ALK: variants seen among roughly 807,000 people sequenced by gnomAD.
ALK encodes the protein ALK receptor tyrosine kinase.
In ALK, 74 loss-of-function variants were observed where a neutral mutation model predicts 163.1. That is an observed-to-expected ratio of 0.45 (90% confidence interval 0.38 to 0.55). The LOEUF (loss-of-function observed/expected upper bound fraction) is 0.55. Ranked by LOEUF, ALK falls within the 20% of genes least tolerant of loss-of-function variation. The pLI is 0.00. For synonymous variants in ALK, 960 were observed against 843.2 expected (o/e 1.14, Z -2.40); for missense variants, 2,063 against 2,105.3 (o/e 0.98, Z 0.39).
chr2:29,767,417 T>TA (rs1200819969), intron 1 of ALK, among the ~76,000 whole-genome samples: 1 of 152,160 alleles, frequency 6.6e-6, no homozygotes, highest in East Asian at 1.9e-4. Context: ...GTTGTGATTT[T>TA]AAAAATGAAA....
chr2:29,426,520 A>C (rs1670138253), intron 4 of ALK, among the ~76,000 whole-genome samples: 1 of 152,190 alleles, frequency 6.6e-6, no homozygotes, highest in Admixed American at 6.5e-5. Context: ...AAAGTGCTGA[A>C]AGAAAAACTC....
At chr2:29,797,010 A>C (rs1664333274) in intron 1 of ALK, among the ~76,000 whole-genome samples, 1 of 151,800 alleles carries the variant, frequency 6.6e-6, no homozygotes, top group Admixed American at 6.6e-5. Context: ...CCACACACAC[A>C]CACACACACA....
At chr2:29,288,975 T>G (rs201461730) in intron 9 of ALK, among the ~76,000 whole-genome samples, 2 of 109,016 alleles carry the variant, frequency 1.8e-5, no homozygotes, top group South Asian at 2.9e-4. Flanking sequence ...AATAAATAAA[T>G]AAATAAATAA....
chr2:29,320,922 A>G, intron 6 of ALK, 40 bp from the exon 7 acceptor site: 1 of 1,613,964 alleles, frequency 6.2e-7, no homozygotes, highest in South Asian at 1.1e-5. Flanking sequence ...TTTCAGGACC[A>G]CTAAAGGCAA....
intron 3 of ALK, among the ~76,000 whole-genome samples, chr2:29,678,349 TTTCA>T (rs1677951425): frequency 6.6e-6 from 1 of 151,876 alleles, no homozygotes; most frequent in Non-Finnish European, 1.5e-5. Context: ...CATCGCATGT[TTTCA>T]TTGATTTTTC....
At chr2:29,446,158 TAAAAC>T (rs1160834269) in intron 4 of ALK, among the ~76,000 whole-genome samples, 1 of 25,562 alleles carries the variant, frequency 3.9e-5, no homozygotes, top group African/African-American at 1.5e-4. Context: ...ACAAACAAAA[TAAAAC>T]AAAACAAACA....
intron 3 of ALK, among the ~76,000 whole-genome samples, chr2:29,595,663 T>C (rs1164538687): frequency 6.6e-6 from 1 of 152,130 alleles, no homozygotes; most frequent in Non-Finnish European, 1.5e-5. Flanking sequence ...GGTCACATTC[T>C]TAAAGAGCTC....
At chr2:29,580,776 T>C (rs965917836) in intron 3 of ALK, among the ~76,000 whole-genome samples, 3 of 152,220 alleles carry the variant, frequency 2.0e-5, no homozygotes, top group Non-Finnish European at 1.5e-5. Flanking sequence ...GGGCTATTTA[T>C]GCCATCCTGC....
At chr2:29,211,981 CAG>C (rs1669477847) in intron 24 of ALK, among the ~76,000 whole-genome samples, 1 of 152,150 alleles carries the variant, frequency 6.6e-6, no homozygotes, top group South Asian at 2.1e-4. Flanking sequence ...ATCATAGCAA[CAG>C]AGCATTGGGT....
intron 1 of ALK, among the ~76,000 whole-genome samples, chr2:29,892,614 T>C (rs1425785118): frequency 3.3e-5 from 5 of 152,186 alleles, no homozygotes; most frequent in East Asian, 1.9e-4. Flanking sequence ...CCCTGTTCTA[T>C]AGAGAAAATC....
chr2:29,551,111 C>A (rs1267399827), intron 3 of ALK, among the ~76,000 whole-genome samples: 1 of 152,090 alleles, frequency 6.6e-6, no homozygotes, highest in Non-Finnish European at 1.5e-5. Flanking sequence ...AGTTTAAAAA[C>A]CTTAAACTGT....
chr2:29,239,514 C>G (rs1664466894), intron 13 of ALK, among the ~76,000 whole-genome samples, 166 bp downstream of exon 13: 1 of 152,118 alleles, frequency 6.6e-6, no homozygotes, highest in Non-Finnish European at 1.5e-5. Flanking sequence ...AAGAGGTGAA[C>G]CACTGGGGTG....
intron 4 of ALK, among the ~76,000 whole-genome samples, chr2:29,497,978 A>C (rs1287059294): frequency 6.6e-6 from 1 of 152,230 alleles, no homozygotes; most frequent in African/African-American, 2.4e-5. Context: ...AATAAGTAAT[A>C]ATAGTAGAAG....
chr2:29,444,803 G>A (rs1400818698), intron 4 of ALK, among the ~76,000 whole-genome samples: 1 of 152,080 alleles, frequency 6.6e-6, no homozygotes, highest in Non-Finnish European at 1.5e-5. Flanking sequence ...TCTTTCTCAT[G>A]AATAAGTCGG....
At chr2:29,637,701 T>A (rs1573518038) in intron 3 of ALK, among the ~76,000 whole-genome samples, 1 of 40,268 alleles carries the variant, frequency 2.5e-5, no homozygotes, top group African/African-American at 2.3e-4. Context: ...AGAGCAAGAC[T>A]CCGTCTCCAA....
Position 29,243,824 on chromosome 2 carries a change from G to A in ALK, c.2205-3994C>T, listed in dbSNP as rs139813467. Among the ~76,000 whole-genome samples the A allele has an allele frequency of 2.7e-3, 417 of 152,312 alleles. 2 individuals carry two copies. The highest frequency in any genetic ancestry group is 9.6e-3 in the African/African-American group (398 of 41,548). On this transcript the variant is annotated intron_variant, in intron 12 of 28. Coordinates refer to ENST00000389048, the MANE Select transcript of ALK (RefSeq NM_004304.5). Reference sequence around the variant, plus strand: ...AGAAATTAATATACCTGCCACTCAAGTGGGGAAAATGACTTGCAGTGATTC... The same window carrying A: ...AGAAATTAATATACCTGCCACTCAAATGGGGAAAATGACTTGCAGTGATTC...
intron 2 of ALK, among the ~76,000 whole-genome samples, chr2:29,714,063 G>A (rs1679181259): frequency 6.6e-6 from 1 of 152,060 alleles, no homozygotes; most frequent in African/African-American, 2.4e-5. Context: ...AGCATCTGGT[G>A]CTACCTGATG....
At chr2:29,238,085 C>CCAG (rs1449925270) in intron 13 of ALK, among the ~76,000 whole-genome samples, 1 of 152,186 alleles carries the variant, frequency 6.6e-6, no homozygotes, top group East Asian at 1.9e-4. Flanking sequence ...GAGCCCATTT[C>CCAG]CAGCACAGGA....
At chr2:29,772,933 T>C (rs879348609) in intron 1 of ALK, among the ~76,000 whole-genome samples, 2 of 152,174 alleles carry the variant, frequency 1.3e-5, no homozygotes, top group Admixed American at 6.5e-5. Context: ...GAATGACTTC[T>C]TCCTCCTCAG....
Sources: gnomAD v4.1 joint callset for allele counts (sites outside exome capture counted in the v4.1 genomes callset) on GRCh38, gnomAD v4.1.1 for gene constraint, MANE v1.5 for transcripts, NCBI Gene and HGNC (gene_info 2026-07-23, HGNC 2026-07-21) for gene names.